Variants in CHLSN observed in about 807,000 individuals in gnomAD.
CHLSN encodes cholesin, also known as protein cholesin.
At chr7:1,062,824 G>A in the CHLSN span, among the ~76,000 whole-genome samples, 2 of 152,298 alleles carry the variant, frequency 1.3e-5, no homozygotes, top group Admixed American at 6.5e-5. Flanking sequence ...TGAAGGAAGA[G>A]CAGAGAATCT....
At chr7:1,119,347 G>A in the CHLSN span, among the ~76,000 whole-genome samples, 6 of 152,348 alleles carry the variant, frequency 3.9e-5, no homozygotes, top group Non-Finnish European at 5.9e-5. Flanking sequence ...CACTTTGAGA[G>A]GCCAAGGCAG....
chr7:1,027,544 C>T, the CHLSN span, among the ~76,000 whole-genome samples: 17 of 152,278 alleles, frequency 1.1e-4, no homozygotes, highest in Non-Finnish European at 1.3e-4. Flanking sequence ...TGAGCCCCGA[C>T]GCAGCAGCGG....
the CHLSN span, among the ~76,000 whole-genome samples, chr7:1,100,810 C>T: frequency 0.017 from 2,578 of 152,256 alleles, 90 homozygotes; most frequent in East Asian, 0.17. Context: ...GAGCACTTTA[C>T]CCATCTCGCC....
chr7:1,000,715 C>T, the CHLSN span, among the ~76,000 whole-genome samples: 12 of 152,272 alleles, frequency 7.9e-5, no homozygotes, highest in Admixed American at 1.3e-4. Context: ...CTCCCCTGCC[C>T]GAGGCGAGGA....
chr7:1,039,241 G>T, the CHLSN span, among the ~76,000 whole-genome samples: 2 of 48,000 alleles, frequency 4.2e-5, 1 homozygote, highest in East Asian at 9.4e-4. Context: ...GAGGTGGGGG[G>T]GGTCAGCCCC....
chr7:1,054,775 G>A, the CHLSN span, among the ~76,000 whole-genome samples: 1 of 152,196 alleles, frequency 6.6e-6, no homozygotes, highest in Admixed American at 6.5e-5. Context: ...CTTTTCTCTG[G>A]CCATGCCCAT....
At chr7:1,095,575 G>C in the CHLSN span, among the ~76,000 whole-genome samples, 1 of 152,206 alleles carries the variant, frequency 6.6e-6, no homozygotes, top group South Asian at 2.1e-4. Flanking sequence ...ACGCAGACGA[G>C]AGACCCAGCA....
At chr7:1,011,304 C>A in the CHLSN span, among the ~76,000 whole-genome samples, 6 of 146,078 alleles carry the variant, frequency 4.1e-5, no homozygotes, top group Non-Finnish European at 9.0e-5. Context: ...AACACCCACA[C>A]GCCCAGACAC....
At chr7:1,046,365 G>C in the CHLSN span, among the ~76,000 whole-genome samples, 1 of 152,162 alleles carries the variant, frequency 6.6e-6, no homozygotes, top group South Asian at 2.1e-4. Context: ...ACGATCCCAC[G>C]GTGCTGTTTT....
At chr7:1,011,714 CCA>C in the CHLSN span, among the ~76,000 whole-genome samples, 7 of 151,496 alleles carry the variant, frequency 4.6e-5, no homozygotes, top group Non-Finnish European at 8.9e-5. Flanking sequence ...CCACAGATAC[CCA>C]CACACGCCCA....
chr7:1,055,666 C>T, the CHLSN span, among the ~76,000 whole-genome samples: 1 of 152,194 alleles, frequency 6.6e-6, no homozygotes, highest in Non-Finnish European at 1.5e-5. Context: ...AGACAGAGCA[C>T]ACTGAGGGGT....
At chr7:1,100,579 G>A in the CHLSN span, among the ~76,000 whole-genome samples, 1 of 152,322 alleles carries the variant, frequency 6.6e-6, no homozygotes, top group African/African-American at 2.4e-5. Context: ...CATGGCTGGA[G>A]GCCTTTGCTC....
At chr7:983,939 C>T in the CHLSN span, among the ~76,000 whole-genome samples, 3 of 152,212 alleles carry the variant, frequency 2.0e-5, no homozygotes, top group African/African-American at 7.2e-5. Flanking sequence ...GTCAGTGGGA[C>T]AGGGCTGACC....
chr7:984,933 A>G, the CHLSN span: 6 of 1,580,246 alleles, frequency 3.8e-6, no homozygotes, highest in African/African-American at 1.3e-5. Context: ...CTCACCACGC[A>G]CTGTATCTGC....
At chr7:1,084,941 G>A in the CHLSN span, among the ~76,000 whole-genome samples, 1 of 152,244 alleles carries the variant, frequency 6.6e-6, no homozygotes, top group Non-Finnish European at 1.5e-5. Flanking sequence ...ACAGGGAGCA[G>A]GAAGGGGTTG....
At chr7:1,002,678 G>A in the CHLSN span, among the ~76,000 whole-genome samples, 7 of 114,842 alleles carry the variant, frequency 6.1e-5, no homozygotes, top group African/African-American at 2.2e-4. Context: ...CGGGTGAGTG[G>A]AGTCCTGCGG....
chr7:983,986 T>C, the CHLSN span, among the ~76,000 whole-genome samples: 1 of 152,052 alleles, frequency 6.6e-6, no homozygotes, highest in Non-Finnish European at 1.5e-5. Flanking sequence ...TGCCCCCAAC[T>C]GCGGGCTGGG....
the CHLSN span, among the ~76,000 whole-genome samples, chr7:1,134,288 G>T: frequency 6.6e-6 from 1 of 150,764 alleles, no homozygotes; most frequent in African/African-American, 2.5e-5. Context: ...AGGGTGGGGG[G>T]CAAGGCTGAG....
At chr7:1,135,950 T>A in the CHLSN span, among the ~76,000 whole-genome samples, 3 of 86,450 alleles carry the variant, frequency 3.5e-5, no homozygotes, top group Non-Finnish European at 4.1e-5. Context: ...TATATATAAA[T>A]ATATATAAAT....
Sources: allele counts gnomAD v4.1 joint callset (sites outside exome capture counted in the v4.1 genomes callset), GRCh38; gene constraint gnomAD v4.1.1; transcripts MANE v1.5; gene names NCBI Gene and HGNC (gene_info 2026-07-23, HGNC 2026-07-21).